TRABD2B: variants seen among roughly 807,000 people sequenced by gnomAD.
The protein encoded by TRABD2B is metalloprotease TIKI2.
Under a neutral mutation model 40.1 loss-of-function variants are expected in TRABD2B, and 14 were observed. The ratio of observed to expected loss-of-function variants is 0.35; its 90% CI spans 0.23 to 0.55. The LOEUF (loss-of-function observed/expected upper bound fraction) is 0.55. TRABD2B is among the 20% of genes least tolerant of loss of function. TRABD2B has a pLI of 0.90. For synonymous variants in TRABD2B, 263 were observed against 277.0 expected (o/e 0.95, Z 0.50); for missense variants, 541 against 648.6 (o/e 0.83, Z 1.80).
At chr1:47,784,637 C>G (rs774806421) in intron 4 of TRABD2B, among the ~76,000 whole-genome samples, 2 of 152,160 alleles carry the variant, frequency 1.3e-5, no homozygotes, top group Non-Finnish European at 2.9e-5. Context: ...ACAGGCCGGC[C>G]GGATATCAAG....
chr1:47,878,683 G>A (rs991992281), intron 2 of TRABD2B, among the ~76,000 whole-genome samples: 2 of 152,238 alleles, frequency 1.3e-5, no homozygotes, highest in Non-Finnish European at 2.9e-5. Context: ...GGGGCCAGGA[G>A]AGCAGGTGAG....
At chr1:47,930,215 T>C (rs919037453) in intron 2 of TRABD2B, among the ~76,000 whole-genome samples, 1 of 152,192 alleles carries the variant, frequency 6.6e-6, no homozygotes, top group African/African-American at 2.4e-5. Context: ...CAGTGTCTGA[T>C]AGGAGATGCC....
chr1:47,874,203 A>T (rs1269860795), intron 2 of TRABD2B, among the ~76,000 whole-genome samples: 2 of 151,468 alleles, frequency 1.3e-5, no homozygotes, highest in African/African-American at 4.9e-5. Context: ...AAAGAATTCA[A>T]TTCTGTTCCC....
At chr1:47,835,230 G>A (rs945313123) in intron 2 of TRABD2B, among the ~76,000 whole-genome samples, 6 of 152,042 alleles carry the variant, frequency 3.9e-5, no homozygotes, top group South Asian at 2.1e-4. Flanking sequence ...TAGGCCAATT[G>A]GGATTATTCA....
chr1:47,966,459 G>A (rs767256591), intron 2 of TRABD2B, among the ~76,000 whole-genome samples: 3 of 152,172 alleles, frequency 2.0e-5, no homozygotes, highest in Non-Finnish European at 2.9e-5. Flanking sequence ...AAAAGGAGGC[G>A]CTCACCAGAC....
chr1:47,788,126 C>G (rs1644621738), intron 4 of TRABD2B, among the ~76,000 whole-genome samples: 1 of 152,130 alleles, frequency 6.6e-6, no homozygotes, highest in African/African-American at 2.4e-5. Flanking sequence ...TAAATACCAT[C>G]CTGTTTCCCT....
chr1:47,830,027 A>C (rs879888607), intron 2 of TRABD2B, among the ~76,000 whole-genome samples: 3 of 149,880 alleles, frequency 2.0e-5, no homozygotes, highest in Non-Finnish European at 4.4e-5. Flanking sequence ...CCCTCTGCCT[A>C]AATTCCATCC....
intron 2 of TRABD2B, among the ~76,000 whole-genome samples, chr1:47,816,671 G>A (rs984715144): frequency 6.6e-6 from 1 of 152,118 alleles, no homozygotes; most frequent in Non-Finnish European, 1.5e-5. Flanking sequence ...AGGGGCCCCT[G>A]TTTGAAGCTC....
intron 2 of TRABD2B, among the ~76,000 whole-genome samples, chr1:47,947,275 A>G (rs981088251): frequency 6.6e-6 from 1 of 152,182 alleles, no homozygotes; most frequent in African/African-American, 2.4e-5. Flanking sequence ...TGTCACTGTT[A>G]ATCACTGCAA....
At chr1:47,819,102 G>A (rs529875358) in intron 2 of TRABD2B, 4 of 152,430 alleles carry the variant, frequency 2.6e-5, no homozygotes, top group Non-Finnish European at 5.9e-5. Flanking sequence ...GCGTGATAAG[G>A]CATCTCAGGG....
chr1:47,939,798 A>C (rs1013279769), intron 2 of TRABD2B, among the ~76,000 whole-genome samples: 14 of 152,158 alleles, frequency 9.2e-5, no homozygotes, highest in Non-Finnish European at 1.5e-5. Flanking sequence ...ATAAACTCAG[A>C]GCTTCCTAGG....
Position 47,994,868 on chromosome 1 carries a change from G to T in TRABD2B, c.103-271C>A, listed in dbSNP as rs556653375. The stretch of plus-strand genomic sequence containing the variant: ...ATGGGGGTGAAAGCAACTACCTCGG[G>T]TTGTTGGGAGGATTAAAAGATACAA... On this transcript the variant is annotated intron_variant, in intron 1 of 6. Coordinates refer to ENST00000606738, the MANE Select transcript of TRABD2B (RefSeq NM_001194986.2). This position sits in a 1 kb window ranked among gnomAD's most constrained non-coding sequence, Gnocchi z 6.7. Among the ~76,000 whole-genome samples the T allele has an allele frequency of 7.2e-5, 11 of 152,324 alleles. No individual in the cohort carries two copies. The highest frequency in any genetic ancestry group is 3.4e-3 in the Middle Eastern group (1 of 294).
At chr1:47,942,911 T>C (rs1645206735) in intron 2 of TRABD2B, among the ~76,000 whole-genome samples, 1 of 152,220 alleles carries the variant, frequency 6.6e-6, no homozygotes, top group South Asian at 2.1e-4. Flanking sequence ...ACCCAAGCAT[T>C]TACTGATTCG....
intron 2 of TRABD2B, among the ~76,000 whole-genome samples, chr1:47,811,989 A>G (rs1479424547): frequency 6.6e-6 from 1 of 152,254 alleles, no homozygotes; most frequent in Non-Finnish European, 1.5e-5. Flanking sequence ...CTGTGAGGAC[A>G]GCATTATTGA....
intron 2 of TRABD2B, among the ~76,000 whole-genome samples, chr1:47,986,851 G>A (rs753821298): frequency 1.3e-5 from 2 of 152,216 alleles, no homozygotes; most frequent in African/African-American, 2.4e-5. Flanking sequence ...TCGGCGAGAC[G>A]GCTTGGCAGC....
intron 3 of TRABD2B, among the ~76,000 whole-genome samples, chr1:47,800,137 C>G (rs1644802864): frequency 6.6e-6 from 1 of 152,088 alleles, no homozygotes; most frequent in Admixed American, 6.6e-5. Flanking sequence ...AACTCCCTGC[C>G]CTCATGGAGC....
chr1:47,897,742 C>T (rs1272394218), intron 2 of TRABD2B, among the ~76,000 whole-genome samples: 3 of 152,108 alleles, frequency 2.0e-5, no homozygotes, highest in South Asian at 2.1e-4. Context: ...CTGACCTGCC[C>T]CTGCCCAGCT....
chr1:47,871,102 C>T (rs1418606009), intron 2 of TRABD2B, among the ~76,000 whole-genome samples: 1 of 152,182 alleles, frequency 6.6e-6, no homozygotes, highest in East Asian at 1.9e-4. Context: ...TCTTCTTAAT[C>T]TTCACAAACA....
At chr1:47,783,024 G>A (rs1280401024) in intron 4 of TRABD2B, among the ~76,000 whole-genome samples, 6 of 152,174 alleles carry the variant, frequency 3.9e-5, no homozygotes, top group Non-Finnish European at 8.8e-5. Flanking sequence ...GAAACAGAGG[G>A]AGGACCATGG....
Sources: gnomAD v4.1 joint callset for allele counts (sites outside exome capture counted in the v4.1 genomes callset) on GRCh38, gnomAD v4.1.1 for gene constraint, Gnocchi (gnomAD v3.1) non-coding constraint, MANE v1.5 for transcripts, NCBI Gene and HGNC (gene_info 2026-07-23, HGNC 2026-07-21) for gene names.